The following RIMS2 variants were observed in gnomAD, a reference collection of about 807,000 sequenced individuals.
RIMS2 encodes the protein regulating synaptic membrane exocytosis protein 2.
In RIMS2, 59 loss-of-function variants were observed where a neutral mutation model predicts 174.4. That is an observed-to-expected ratio of 0.34 (90% confidence interval 0.27 to 0.42). RIMS2 has a LOEUF of 0.42. Ranked by LOEUF, RIMS2 falls within the 10% of genes least tolerant of loss-of-function variation. RIMS2 has a pLI of 1.00. For synonymous variants in RIMS2, 606 were observed against 572.5 expected, an observed-to-expected ratio of 1.06 and a Z score of -0.84; for missense variants, 1,620 against 1,666.3, an observed-to-expected ratio of 0.97 and a Z score of 0.48.
intron 4 of RIMS2, among the ~76,000 whole-genome samples, chr8:103,902,325 T>C (rs189879190): frequency 1.4e-3 from 219 of 152,178 alleles, no homozygotes; most frequent in Non-Finnish European, 2.8e-3. Context: ...CAAAGTCTTA[T>C]GAAACTTAAC....
chr8:103,798,865 A>T (rs1235289793), intron 3 of RIMS2, among the ~76,000 whole-genome samples: 1 of 150,594 alleles, frequency 6.6e-6, no homozygotes, highest in Non-Finnish European at 1.5e-5. Flanking sequence ...ATTAACTTAG[A>T]TTGTCTATGT....
At chr8:104,133,027 G>A (rs73699075) in intron 19 of RIMS2, among the ~76,000 whole-genome samples, 1,785 of 152,264 alleles carry the variant, frequency 0.012, 38 homozygotes, top group African/African-American at 0.04. Context: ...AGGGGAATTC[G>A]TATTCATCTT....
chr8:103,766,230 A>C, exon 3 of RIMS2: 1 of 1,609,266 alleles, frequency 6.2e-7, no homozygotes. Flanking sequence ...TGTGCAGGTT[A>C]TGTGGGTATG....
At chr8:104,151,522 T>C (rs572094960) in intron 19 of RIMS2, among the ~76,000 whole-genome samples, 2 of 152,076 alleles carry the variant, frequency 1.3e-5, no homozygotes, top group East Asian at 1.9e-4. Flanking sequence ...TGAGCCGAGA[T>C]TGGCTGCTGC....
chr8:103,975,524 T>A lies in RIMS2; in HGVS notation c.2927+18T>A. On this transcript the variant is annotated intron_variant, in intron 16 of 23. Coordinates refer to ENST00000504942, the Ensembl canonical transcript of RIMS2. ...CCACAAAGGTAAGATAGACTACTTA[T>A]TTTATTTGTAGGGTGGCTGTATTAG... The A allele has an allele frequency of 6.3e-7, 1 of 1,599,164 alleles. No individual in the cohort carries two copies.
chr8:103,597,368 A>C (rs1563938809), intron 1 of RIMS2, among the ~76,000 whole-genome samples: 1 of 151,742 alleles, frequency 6.6e-6, no homozygotes, highest in African/African-American at 2.4e-5. Flanking sequence ...CATGCACATT[A>C]TTTTCTGTTG....
intron 19 of RIMS2, among the ~76,000 whole-genome samples, chr8:104,174,414 T>TAA (rs60522020): frequency 5.1e-4 from 77 of 150,968 alleles, no homozygotes; most frequent in Non-Finnish European, 6.9e-4. Context: ...CACAAAGAGC[T>TAA]AAAAAAAAAT....
chr8:103,768,665 T>C (rs2154426270), intron 3 of RIMS2: 1 of 812,810 alleles, frequency 1.2e-6, no homozygotes, highest in South Asian at 1.3e-5. Flanking sequence ...GATACTACGA[T>C]GCCTCATCAC....
At chr8:103,849,390 C>A (rs1307329429) in intron 3 of RIMS2, among the ~76,000 whole-genome samples, 1 of 152,040 alleles carries the variant, frequency 6.6e-6, no homozygotes, top group Non-Finnish European at 1.5e-5. Flanking sequence ...CAGGAAAAAT[C>A]TTTAAGGAGG....
At chr8:103,786,793 G>C (rs1353588275) in intron 3 of RIMS2, among the ~76,000 whole-genome samples, 1 of 152,116 alleles carries the variant, frequency 6.6e-6, no homozygotes, top group Non-Finnish European at 1.5e-5. Flanking sequence ...AAGTCCGCTT[G>C]GTGCAGAGCT....
At chr8:103,553,609 T>G (rs1203317327) in intron 1 of RIMS2, among the ~76,000 whole-genome samples, 1 of 151,738 alleles carries the variant, frequency 6.6e-6, no homozygotes, top group Non-Finnish European at 1.5e-5. Context: ...AAAATAATAA[T>G]AAAATGGCCA....
At chr8:103,630,107 C>A in intron 1 of RIMS2, among the ~76,000 whole-genome samples, 1 of 148,994 alleles carries the variant, frequency 6.7e-6, no homozygotes, top group South Asian at 2.1e-4. Flanking sequence ...GAAATTCAGG[C>A]TGAGACACAT....
At chr8:103,558,124 T>G (rs1173385901) in intron 1 of RIMS2, among the ~76,000 whole-genome samples, 2 of 152,162 alleles carry the variant, frequency 1.3e-5, no homozygotes, top group Non-Finnish European at 2.9e-5. Flanking sequence ...CTGCATTGTT[T>G]TACAGGTAGG....
At chr8:104,137,075 A>G (rs1051215614) in intron 19 of RIMS2, among the ~76,000 whole-genome samples, 10 of 152,338 alleles carry the variant, frequency 6.6e-5, no homozygotes, top group African/African-American at 2.4e-4. Context: ...GGATTATTTT[A>G]TGAATGGTTT....
intron 2 of RIMS2, among the ~76,000 whole-genome samples, chr8:103,741,495 AG>A (rs1328623569): frequency 1.3e-5 from 2 of 152,076 alleles, no homozygotes; most frequent in East Asian, 3.8e-4. Context: ...ACTTGTTGAA[AG>A]CAAAGAATTG....
At chr8:103,775,228 TG>T (rs1210139594) in intron 3 of RIMS2, among the ~76,000 whole-genome samples, 8 of 152,062 alleles carry the variant, frequency 5.3e-5, no homozygotes, top group African/African-American at 1.9e-4. Context: ...TTATTCAAAG[TG>T]GTCATCTGAG....
At chr8:103,708,702 T>A (rs1004608910) in intron 2 of RIMS2, among the ~76,000 whole-genome samples, 10 of 152,248 alleles carry the variant, frequency 6.6e-5, no homozygotes, top group African/African-American at 2.4e-4. Flanking sequence ...TCTTTGGTTT[T>A]CTGTGCATAA....
intron 13 of RIMS2, among the ~76,000 whole-genome samples, chr8:103,940,628 C>A (rs916866843): frequency 6.6e-6 from 1 of 152,018 alleles, no homozygotes; most frequent in Non-Finnish European, 1.5e-5. Context: ...GTATTTCCAG[C>A]ACTTTGGGAG....
At chr8:103,639,182 A>T (rs2096166622) in intron 1 of RIMS2, among the ~76,000 whole-genome samples, 1 of 151,946 alleles carries the variant, frequency 6.6e-6, no homozygotes. Context: ...TCTAGTTAAA[A>T]TATCCTTTCC....
Sources: gnomAD v4.1 joint callset for allele counts (sites outside exome capture counted in the v4.1 genomes callset) on GRCh38, gnomAD v4.1.1 for gene constraint, MANE v1.5 for transcripts, NCBI Gene and HGNC (gene_info 2026-07-23, HGNC 2026-07-21) for gene names.